Variants in ADGRB3 observed in about 807,000 individuals in gnomAD.
ADGRB3 encodes the protein adhesion G protein-coupled receptor B3, also known as brain-specific angiogenesis inhibitor 3.
ADGRB3 carries 37 observed loss-of-function variants against 193.4 expected under a neutral mutation model. The observed-to-expected ratio is 0.19, with a 90% CI of 0.15 to 0.25. ADGRB3 has a LOEUF of 0.25. ADGRB3 is among the 10% of genes least tolerant of loss of function. The pLI is 1.00. For synonymous variants in ADGRB3, 690 were observed against 644.2 expected (o/e 1.07, Z -1.08); for missense variants, 1,637 against 1,852.9 (o/e 0.88, Z 2.14).
At chr6:69,122,993 C>CGTGTGTGTGTGTGTGTGTGT (rs150375798) in intron 17 of ADGRB3, among the ~76,000 whole-genome samples, 1 of 148,620 alleles carries the variant, frequency 6.7e-6, no homozygotes, top group Admixed American at 6.8e-5. Flanking sequence ...TATACACATA[C>CGTGTGTGTGTGTGTGTGTGT]GTGTGAGTGT....
chr6:69,024,320 G>C (rs1770360153), intron 13 of ADGRB3, among the ~76,000 whole-genome samples: 1 of 152,054 alleles, frequency 6.6e-6, no homozygotes, highest in Admixed American at 6.6e-5. Context: ...AGTGTCTTAA[G>C]TTAAGATAAA....
chr6:69,049,416 T>C lies in ADGRB3; in HGVS notation c.2333+70T>C, dbSNP rs1771329748. The C allele has an allele frequency of 4.3e-6, 5 of 1,154,910 alleles. No homozygotes were observed. The Admixed American group carries it at 8.8e-5, about 20-fold the overall frequency. 71.5% of individuals were successfully genotyped at this position (1,154,910 alleles called of 1,614,324 possible). A position where few individuals can be genotyped will look rare whatever the true frequency, so the allele number is the denominator to read the frequency against. ...CAAAATGTGATTATAGCTCATTCTA[T>C]AAAAATAGTCAAACAAGCTGTGGTA... On this transcript the variant is annotated intron_variant, in intron 15 of 31. Transcript: ENST00000370598.
intron 17 of ADGRB3, among the ~76,000 whole-genome samples, chr6:69,226,336 A>G (rs1008216622): frequency 3.3e-5 from 5 of 152,176 alleles, no homozygotes; most frequent in Admixed American, 6.5e-5. Context: ...GATGTAGGAA[A>G]CTCCAACTAT....
At chr6:69,170,049 G>A (rs771904470) in intron 17 of ADGRB3, among the ~76,000 whole-genome samples, 1 of 152,070 alleles carries the variant, frequency 6.6e-6, no homozygotes, top group Non-Finnish European at 1.5e-5. Flanking sequence ...AATTAATGAA[G>A]GGAAATTGAC....
chr6:69,369,012 G>C (rs1460983993), intron 29 of ADGRB3, among the ~76,000 whole-genome samples: 1 of 152,090 alleles, frequency 6.6e-6, no homozygotes, highest in Non-Finnish European at 1.5e-5. Flanking sequence ...TGCAAAATTG[G>C]AATATATGTA....
chr6:69,186,970 GC>G (rs1473098687), intron 17 of ADGRB3, among the ~76,000 whole-genome samples: 2 of 147,870 alleles, frequency 1.4e-5, no homozygotes, highest in East Asian at 4.0e-4. Flanking sequence ...AACGCATGCA[GC>G]TGAATTGTTT....
chr6:69,031,038 TC>T (rs1936982902), intron 13 of ADGRB3, among the ~76,000 whole-genome samples: 2 of 5,656 alleles, frequency 3.5e-4, no homozygotes, highest in African/African-American at 9.7e-4. Flanking sequence ...TCTTCTCTTC[TC>T]TCTTCTCTTC....
chr6:69,121,978 G>A (rs1461201900), intron 17 of ADGRB3, among the ~76,000 whole-genome samples: 12 of 51,178 alleles, frequency 2.3e-4, no homozygotes, highest in Non-Finnish European at 5.3e-4. Flanking sequence ...GACGATGGGC[G>A]GCCAGGCAGA....
intron 3 of ADGRB3, among the ~76,000 whole-genome samples, chr6:68,737,148 C>T (rs1335700348): frequency 6.6e-6 from 1 of 152,014 alleles, no homozygotes; most frequent in Non-Finnish European, 1.5e-5. Flanking sequence ...TTTGTATATG[C>T]ATCTTAGATT....
chr6:68,651,443 A>T (rs1266089236), intron 3 of ADGRB3, among the ~76,000 whole-genome samples: 1 of 152,124 alleles, frequency 6.6e-6, no homozygotes, highest in Non-Finnish European at 1.5e-5. Context: ...TTTTCTAATG[A>T]TCATACTTTG....
At chr6:69,254,833 A>G (rs1399021241) in intron 20 of ADGRB3, among the ~76,000 whole-genome samples, 1 of 147,652 alleles carries the variant, frequency 6.8e-6, no homozygotes, top group Non-Finnish European at 1.5e-5. Flanking sequence ...CATTAGATAT[A>G]TCTCCCAATG....
chr6:68,772,455 C>T (rs1301314009), intron 3 of ADGRB3, among the ~76,000 whole-genome samples: 8 of 151,996 alleles, frequency 5.3e-5, no homozygotes, highest in African/African-American at 1.4e-4. Context: ...TTTTGGAAGG[C>T]TCTGTGAAAT....
At chr6:69,036,694 C>T (rs1418637582) in intron 13 of ADGRB3, among the ~76,000 whole-genome samples, 2 of 151,842 alleles carry the variant, frequency 1.3e-5, no homozygotes, top group Non-Finnish European at 2.9e-5. Flanking sequence ...TGGATAAGTA[C>T]AAGGAAAGAA....
intron 17 of ADGRB3, among the ~76,000 whole-genome samples, chr6:69,198,083 T>A (rs776712777): frequency 2.4e-4 from 37 of 152,240 alleles, no homozygotes; most frequent in Non-Finnish European, 3.7e-4. Flanking sequence ...GTTTTGAACC[T>A]CTTAATAGTG....
chr6:69,139,913 A>G (rs1774277139), intron 17 of ADGRB3, among the ~76,000 whole-genome samples: 2 of 152,222 alleles, frequency 1.3e-5, no homozygotes, highest in African/African-American at 4.8e-5. Context: ...ATCTAAAGCA[A>G]TTATTTTAAT....
chr6:68,871,069 G>A lies in ADGRB3; in HGVS notation c.758-59490G>A, dbSNP rs569638612. ...CCCTTCTCTTGGACAACATGGTCTT[G>A]AATATGAGGAATGTACTAAGGCGGA... On this transcript the variant is annotated intron_variant, in intron 3 of 31. Transcript: ENST00000370598. Among the ~76,000 whole-genome samples the A allele has an allele frequency of 2.0e-5, 3 of 152,244 alleles. No individual in the cohort carries two copies. The East Asian group carries it at 5.8e-4, about 29-fold the overall frequency.
intron 17 of ADGRB3, among the ~76,000 whole-genome samples, chr6:69,162,763 T>G (rs1486714328): frequency 6.6e-6 from 1 of 152,134 alleles, no homozygotes; most frequent in Non-Finnish European, 1.5e-5. Flanking sequence ...GTAAAATAGA[T>G]AGACTCAGAC....
chr6:69,098,829 A>G (rs1442539368), intron 17 of ADGRB3, among the ~76,000 whole-genome samples: 2 of 152,210 alleles, frequency 1.3e-5, no homozygotes, highest in Admixed American at 1.3e-4. Flanking sequence ...ACCTTTTAAA[A>G]TTCAAATAAA....
At chr6:69,017,067 G>A (rs1770113282) in intron 12 of ADGRB3, among the ~76,000 whole-genome samples, 1 of 151,792 alleles carries the variant, frequency 6.6e-6, no homozygotes, top group South Asian at 2.1e-4. Flanking sequence ...TAAGAGACAG[G>A]TTTTATCTCC....
Sources: allele counts gnomAD v4.1 joint callset (sites outside exome capture counted in the v4.1 genomes callset), GRCh38; gene constraint gnomAD v4.1.1; transcripts MANE v1.5; gene names NCBI Gene and HGNC (gene_info 2026-07-23, HGNC 2026-07-21).